KCNIP4: variants seen among roughly 807,000 people sequenced by gnomAD.
KCNIP4 encodes the protein Kv channel-interacting protein 4.
A neutral mutation model predicts 34.0 loss-of-function variants in KCNIP4; 12 were observed. That is an observed-to-expected ratio of 0.35 (90% confidence interval 0.23 to 0.57). The LOEUF (loss-of-function observed/expected upper bound fraction) is 0.57. KCNIP4 is among the 20% of genes least tolerant of loss of function. The pLI, the probability that KCNIP4 is intolerant of heterozygous loss-of-function variation, is 0.83. For synonymous variants in KCNIP4, 124 were observed against 102.2 expected (o/e 1.21, Z -1.29); for missense variants, 238 against 311.7 (o/e 0.76, Z 1.78).
intron 1 of KCNIP4, among the ~76,000 whole-genome samples, chr4:21,572,532 T>G (rs1008009912): frequency 5.9e-5 from 9 of 152,112 alleles, no homozygotes; most frequent in African/African-American, 2.2e-4. Context: ...ATTCATGCAG[T>G]CACTTAATTT....
intron 1 of KCNIP4, chr4:21,852,387 C>CT (rs1490339520): frequency 6.6e-6 from 1 of 152,122 alleles, no homozygotes; most frequent in Non-Finnish European, 1.5e-5. Flanking sequence ...GGTTCAGCTA[C>CT]TTTTTAGGAA....
chr4:21,886,263 T>C (rs1182587155), intron 1 of KCNIP4, among the ~76,000 whole-genome samples: 2 of 152,120 alleles, frequency 1.3e-5, no homozygotes, highest in African/African-American at 4.8e-5. Context: ...TTCCAATTCA[T>C]TGAGGGTGAA....
chr4:21,693,481 A>C (rs2109048233), intron 1 of KCNIP4, among the ~76,000 whole-genome samples: 1 of 152,166 alleles, frequency 6.6e-6, no homozygotes, highest in Non-Finnish European at 1.5e-5. Context: ...AGAATTGATT[A>C]AAACCCAGGA....
chr4:20,964,367 C>A (rs1244972642), intron 1 of KCNIP4, among the ~76,000 whole-genome samples: 2 of 152,212 alleles, frequency 1.3e-5, no homozygotes, highest in African/African-American at 4.8e-5. Context: ...GTTAAAAACA[C>A]AGTTAAAGTA....
At chr4:21,919,789 T>C (rs1448162718) in intron 1 of KCNIP4, among the ~76,000 whole-genome samples, 1 of 152,074 alleles carries the variant, frequency 6.6e-6, no homozygotes, top group Non-Finnish European at 1.5e-5. Flanking sequence ...CTTAGAAAAA[T>C]GTGGAAGTCA....
chr4:20,978,052 T>A (rs187065195), intron 1 of KCNIP4, among the ~76,000 whole-genome samples: 1 of 152,266 alleles, frequency 6.6e-6, no homozygotes, highest in East Asian at 1.9e-4. Flanking sequence ...AATCTAAACG[T>A]TTTTCCAGTT....
At chr4:21,237,799 T>C (rs1163146823) in intron 1 of KCNIP4, among the ~76,000 whole-genome samples, 1 of 152,142 alleles carries the variant, frequency 6.6e-6, no homozygotes, top group Admixed American at 6.5e-5. Context: ...CTACCAGAGG[T>C]ACAAGGAGGA....
At chr4:21,539,509 T>C (rs1433427721) in intron 1 of KCNIP4, among the ~76,000 whole-genome samples, 2 of 152,196 alleles carry the variant, frequency 1.3e-5, no homozygotes, top group African/African-American at 4.8e-5. Flanking sequence ...TTTGGTATTA[T>C]AAATTAAGAA....
intron 1 of KCNIP4, among the ~76,000 whole-genome samples, chr4:21,234,415 T>TATAA (rs1759166150): frequency 7.6e-6 from 1 of 131,606 alleles, no homozygotes; most frequent in African/African-American, 2.9e-5. Context: ...ATATAACATA[T>TATAA]ACTATATATA....
chr4:21,063,136 A>G (rs1002768352), intron 1 of KCNIP4, among the ~76,000 whole-genome samples: 1 of 152,096 alleles, frequency 6.6e-6, no homozygotes, highest in Non-Finnish European at 1.5e-5. Flanking sequence ...TGCTAGGGAG[A>G]GGCAGGGAAC....
chr4:21,539,703 G>A (rs866324022), intron 1 of KCNIP4, among the ~76,000 whole-genome samples: 1 of 151,950 alleles, frequency 6.6e-6, no homozygotes, highest in African/African-American at 2.4e-5. Context: ...TTGTGAGGCC[G>A]GGCACAGTGG....
intron 1 of KCNIP4, among the ~76,000 whole-genome samples, chr4:21,380,995 T>C (rs958687132): frequency 1.6e-4 from 25 of 152,158 alleles, no homozygotes; most frequent in African/African-American, 5.6e-4. Context: ...GCCTCTTTGC[T>C]TTTTTCATCT....
chr4:21,449,822 T>C (rs1427290017), intron 1 of KCNIP4, among the ~76,000 whole-genome samples: 1 of 152,030 alleles, frequency 6.6e-6, no homozygotes, highest in Non-Finnish European at 1.5e-5. Flanking sequence ...AGTGATTAAA[T>C]AAAAATTTTC....
chr4:20,919,722 AAG>A (rs1455163000), intron 1 of KCNIP4, among the ~76,000 whole-genome samples: 2 of 151,794 alleles, frequency 1.3e-5, no homozygotes, highest in African/African-American at 4.8e-5. Flanking sequence ...AAAAAAAAAA[AAG>A]ATAAATATGT....
At position 21,146,687 on chromosome 4, in the gene KCNIP4, GA is replaced by G. The variant is rs555750361; in HGVS notation, c.62-263979del. 4.0e-3 allele frequency among the ~76,000 whole-genome samples: 614 copies of G among 152,024 alleles called. 5 individuals carry two copies. Among genetic ancestry groups the G allele is most frequent in the African/African-American group, 0.013 (559 of 41,506 alleles). On this transcript the variant is annotated intron_variant, in intron 1 of 8. Coordinates refer to ENST00000382152, the MANE Select transcript of KCNIP4 (RefSeq NM_025221.6). ...ACACATCAAGTGTCTGGGAAATAAA[GA>G]AAAAAAGGAAAATATTGACAGTGTA...
chr4:21,924,803 T>C (rs1729143058), intron 1 of KCNIP4, among the ~76,000 whole-genome samples: 1 of 152,032 alleles, frequency 6.6e-6, no homozygotes, highest in African/African-American at 2.4e-5. Context: ...ACCCCTCTCC[T>C]CCCTCTCCTC....
At chr4:20,772,649 CT>C (rs927106009) in intron 3 of KCNIP4, among the ~76,000 whole-genome samples, 60 of 149,064 alleles carry the variant, frequency 4.0e-4, no homozygotes, top group East Asian at 1.4e-3. Flanking sequence ...TTTCTTTCTT[CT>C]TTTTTTTTTC....
intron 3 of KCNIP4, among the ~76,000 whole-genome samples, chr4:20,764,735 G>A (rs191522661): frequency 3.8e-4 from 57 of 148,680 alleles, no homozygotes; most frequent in African/African-American, 1.3e-3. Context: ...GCAATAATTT[G>A]CTTCCCTCAT....
At chr4:20,800,633 G>A (rs1456609473) in intron 3 of KCNIP4, among the ~76,000 whole-genome samples, 4 of 152,046 alleles carry the variant, frequency 2.6e-5, no homozygotes, top group African/African-American at 9.7e-5. Flanking sequence ...ATAAAATAAA[G>A]TTTAAAAATA....
Sources: gnomAD v4.1 joint callset for allele counts (sites outside exome capture counted in the v4.1 genomes callset) on GRCh38, gnomAD v4.1.1 for gene constraint, MANE v1.5 for transcripts, NCBI Gene and HGNC (gene_info 2026-07-23, HGNC 2026-07-21) for gene names.